TPST1: variants seen among roughly 807,000 people sequenced by gnomAD.
TPST1 encodes the protein protein-tyrosine sulfotransferase 1.
In TPST1, 20 loss-of-function variants were observed where a neutral mutation model predicts 34.8. The ratio of observed to expected loss-of-function variants is 0.57; its 90% CI spans 0.40 to 0.84. TPST1 has a LOEUF of 0.84. Among genes scored for constraint, TPST1 ranks in the 40% least tolerant of loss-of-function variants. The probability of loss-of-function intolerance (pLI) is 0.00; values close to 1 mark genes in which losing one functional copy is unlikely to be tolerated. For synonymous variants in TPST1, 152 were observed against 159.4 expected (o/e 0.95, Z 0.35); for missense variants, 353 against 455.5 (o/e 0.78, Z 2.05).
At chr7:66,238,829 G>A (rs906829548) in intron 1 of TPST1, among the ~76,000 whole-genome samples, 1 of 152,176 alleles carries the variant, frequency 6.6e-6, no homozygotes, top group African/African-American at 2.4e-5. Context: ...TTATTTTGGT[G>A]TACATGTAGT....
chr7:66,297,296 G>A lies in TPST1; in HGVS notation c.1044+10587G>A, dbSNP rs1791221683. On this transcript the variant is annotated intron_variant, in intron 3 of 5. Transcript: ENST00000304842. The stretch of plus-strand genomic sequence containing the variant: ...GTCTTCTGTATGTGTCCACCGAAAT[G>A]CTCTCAAGGACCTCAAATTCAAAGT... Among the ~76,000 whole-genome samples the A allele has an allele frequency of 2.0e-5, 3 of 152,138 alleles. No individual in the cohort carries two copies. The South Asian group carries it at 6.2e-4, about 32-fold the overall frequency.
chr7:66,323,162 G>A (rs1791792055), intron 3 of TPST1, among the ~76,000 whole-genome samples: 1 of 152,066 alleles, frequency 6.6e-6, no homozygotes, highest in African/African-American at 2.4e-5. Flanking sequence ...TAACCCCATA[G>A]CAGATACATG....
chr7:66,284,338 CTT>C (rs1790988991), intron 2 of TPST1, among the ~76,000 whole-genome samples: 2 of 143,144 alleles, frequency 1.4e-5, no homozygotes, highest in Non-Finnish European at 3.0e-5. Context: ...TTTTGGTGAC[CTT>C]CTGATTACTA....
intron 3 of TPST1, among the ~76,000 whole-genome samples, chr7:66,341,936 A>G (rs1792246435): frequency 1.3e-5 from 2 of 152,306 alleles, no homozygotes; most frequent in East Asian, 1.9e-4. Flanking sequence ...GTGATTGGAT[A>G]AAGTTGAGAA....
chr7:66,273,078 G>A (rs1162915490), intron 2 of TPST1, among the ~76,000 whole-genome samples: 1 of 152,116 alleles, frequency 6.6e-6, no homozygotes. Context: ...AATGAATTCA[G>A]TAAAATTTCA....
At chr7:66,244,325 G>A (rs1219739503) in intron 2 of TPST1, among the ~76,000 whole-genome samples, 2 of 152,064 alleles carry the variant, frequency 1.3e-5, no homozygotes, top group Non-Finnish European at 2.9e-5. Context: ...AAATATTTAG[G>A]CAGCCTTGAA....
chr7:66,237,974 C>T (rs930649759), intron 1 of TPST1, among the ~76,000 whole-genome samples: 3 of 152,120 alleles, frequency 2.0e-5, no homozygotes, highest in Non-Finnish European at 4.4e-5. Flanking sequence ...TATCACCAGA[C>T]CGACTTAAAA....
intron 2 of TPST1, among the ~76,000 whole-genome samples, chr7:66,265,913 G>A (rs1790583935): frequency 6.6e-6 from 1 of 152,184 alleles, no homozygotes; most frequent in African/African-American, 2.4e-5. Flanking sequence ...CTTGAGAAAT[G>A]AAAGAGAAAG....
Position 66,234,663 on chromosome 7 carries a change from T to TTTTGTTTG in TPST1, c.-101-5642_-101-5635dup, listed in dbSNP as rs199744147. Among the ~76,000 whole-genome samples the TTTTGTTTG allele has an allele frequency of 3.3e-5, 5 of 151,944 alleles. No individual in the cohort carries two copies. In the East Asian group the frequency reaches 7.8e-4, roughly 24 times the overall value. On this transcript the variant is annotated intron_variant, in intron 1 of 5. Coordinates refer to ENST00000304842, the MANE Select transcript of TPST1 (RefSeq NM_003596.4). ...TAGTGTCTGTTTACATTCAGGGAAG[T>TTTTGTTTG]TTTGTTTGTTTGTTTGTTTGTTTGT...
intron 3 of TPST1, among the ~76,000 whole-genome samples, chr7:66,335,491 C>CT: frequency 1.3e-5 from 2 of 151,850 alleles, no homozygotes; most frequent in East Asian, 1.9e-4. Flanking sequence ...TTCCAGTGTA[C>CT]ACTTAAGCAC....
At chr7:66,269,220 A>G (rs1009070381) in intron 2 of TPST1, among the ~76,000 whole-genome samples, 5 of 152,228 alleles carry the variant, frequency 3.3e-5, no homozygotes, top group African/African-American at 1.2e-4. Context: ...TATTTAAGCT[A>G]TTTTAGTAGA....
chr7:66,314,653 C>CCATA (rs1360413411), intron 3 of TPST1, among the ~76,000 whole-genome samples: 1 of 152,162 alleles, frequency 6.6e-6, no homozygotes, highest in Non-Finnish European at 1.5e-5. Context: ...TGTGCAAACA[C>CCATA]CATAGGGTGT....
At chr7:66,314,900 C>T (rs1413668193) in intron 3 of TPST1, among the ~76,000 whole-genome samples, 1 of 152,164 alleles carries the variant, frequency 6.6e-6, no homozygotes, top group Non-Finnish European at 1.5e-5. Flanking sequence ...ACCAAAATGT[C>T]ATTATGTGGC....
In TPST1 at chr7:66,315,849, G is replaced by T. The variant is rs1418464161; in HGVS notation, c.1044+29140G>T. The stretch of plus-strand genomic sequence containing the variant: ...ATTCGGGCCAGGTGCGGTAGCACAC[G>T]CCTGTAATCCCAGCACTTTGGGAGG... On this transcript the variant is annotated intron_variant, in intron 3 of 5. Coordinates refer to ENST00000304842, the MANE Select transcript of TPST1 (RefSeq NM_003596.4). Among the ~76,000 whole-genome samples the T allele has an allele frequency of 2.0e-5, 3 of 152,088 alleles. No homozygotes were observed. In the East Asian group the frequency reaches 5.8e-4, roughly 29 times the overall value.
upstream of TPST1, among the ~76,000 whole-genome samples, chr7:66,201,381 C>CAA (rs138553925): frequency 1.2e-3 from 85 of 73,492 alleles, no homozygotes; most frequent in East Asian, 3.4e-3. Context: ...CCATCTCTAC[C>CAA]AAAAAAAAAA....
chr7:66,280,397 T>C (rs1790909278), intron 2 of TPST1, among the ~76,000 whole-genome samples: 1 of 152,168 alleles, frequency 6.6e-6, no homozygotes, highest in South Asian at 2.1e-4. Context: ...GTGAATGGGA[T>C]TGTGTTTTTG....
chr7:66,294,185 G>C (rs1394836438), intron 3 of TPST1, among the ~76,000 whole-genome samples: 7 of 152,056 alleles, frequency 4.6e-5, no homozygotes, highest in African/African-American at 7.2e-5. Context: ...TTCATTGCCT[G>C]GTCCCTGTCA....
At position 66,260,009 on chromosome 7, in the gene TPST1, G is replaced by A. The variant is rs538285747; in HGVS notation, c.845+18739G>A. ...AATGTCATGGAGTTGGAATCATACA[G>A]TATGTATTCTTTTCAGATTGGGCTC... On this transcript the variant is annotated intron_variant, in intron 2 of 5. Transcript: ENST00000304842. 1.7e-4 allele frequency among the ~76,000 whole-genome samples: 26 copies of A among 152,248 alleles called. 1 individual carries two copies. In the South Asian group the frequency reaches 5.4e-3, roughly 32 times the overall value.
At chr7:66,328,884 C>CTATATATA (rs1562847162) in intron 3 of TPST1, among the ~76,000 whole-genome samples, 7 of 29,418 alleles carry the variant, frequency 2.4e-4, no homozygotes, top group African/African-American at 6.1e-4. Flanking sequence ...CTCTCTCTCT[C>CTATATATA]TCTATATATA....
Sources: gnomAD v4.1 joint callset for allele counts (sites outside exome capture counted in the v4.1 genomes callset) on GRCh38, gnomAD v4.1.1 for gene constraint, MANE v1.5 for transcripts, NCBI Gene and HGNC (gene_info 2026-07-23, HGNC 2026-07-21) for gene names.